The following WNK1 variants were observed in gnomAD, a reference collection of about 807,000 sequenced individuals.
WNK1 encodes WNK lysine deficient protein kinase 1.
In WNK1, 38 loss-of-function variants were observed where a neutral mutation model predicts 222.8. The ratio of observed to expected loss-of-function variants is 0.17; its 90% confidence interval spans 0.13 to 0.22. WNK1 has a LOEUF of 0.22. Ranked by LOEUF, WNK1 falls within the 10% of genes least tolerant of loss-of-function variation. The probability of loss-of-function intolerance (pLI) is 1.00; values close to 1 mark genes in which losing one functional copy is unlikely to be tolerated. For synonymous variants in WNK1, 1,090 were observed against 1,092.9 expected, an observed-to-expected ratio of 1.00 and a Z score of 0.05; for missense variants, 2,348 against 2,918.4, an observed-to-expected ratio of 0.80 and a Z score of 4.50.
intron 2 of WNK1, among the ~76,000 whole-genome samples, chr12:821,078 T>TTAAAC (rs1947841293): frequency 7.3e-6 from 1 of 137,266 alleles, no homozygotes; most frequent in African/African-American, 2.8e-5. Flanking sequence ...GGAAAGGTGT[T>TTAAAC]AGATTTTGTC....
At chr12:783,075 T>A (rs1175498934) in intron 1 of WNK1, among the ~76,000 whole-genome samples, 8 of 151,516 alleles carry the variant, frequency 5.3e-5, no homozygotes, top group African/African-American at 1.9e-4. Context: ...TGCTAATGTT[T>A]AAATTTTTTT....
At chr12:782,832 A>T (rs1030319172) in intron 1 of WNK1, among the ~76,000 whole-genome samples, 4 of 150,898 alleles carry the variant, frequency 2.7e-5, no homozygotes, top group African/African-American at 9.8e-5. Flanking sequence ...AGCCACATTT[A>T]AAAAAAAACA....
At chr12:822,436 C>G (rs2154022552) in intron 2 of WNK1, among the ~76,000 whole-genome samples, 1 of 152,030 alleles carries the variant, frequency 6.6e-6, no homozygotes, top group South Asian at 2.1e-4. Context: ...CTGTTTTTTG[C>G]TCCTTATCTC....
rs1397273339 is a variant in WNK1 at position 807,965 on chromosome 12, C to A, written c.760-5677C>A. On this transcript the variant is annotated intron_variant, in intron 1 of 27. Coordinates refer to ENST00000315939, the MANE Select transcript of WNK1 (RefSeq NM_018979.4). Reference sequence around the variant, plus strand: ...CGATCTCCTGACCTCGTGATCCGCCCGCCTCGGCCTCCCAAAGTGCTGGGA... The same window carrying A: ...CGATCTCCTGACCTCGTGATCCGCCAGCCTCGGCCTCCCAAAGTGCTGGGA... 8.6e-5 allele frequency among the ~76,000 whole-genome samples: 13 copies of A among 152,026 alleles called. No individual in the cohort carries two copies. The East Asian group carries it at 2.5e-3, about 30-fold the overall frequency.
rs1037799739 is a variant in WNK1, at chr12:911,096, G to GTTAT, written c.*2308_*2311dup. 10 of 392,336 alleles carry GTTAT rather than the reference G, an allele frequency of 2.5e-5. No individual in the cohort carries two copies. Among genetic ancestry groups the GTTAT allele is most frequent in the Admixed American group, 4.4e-5 (1 of 22,612 alleles). 24.3% of individuals were successfully genotyped at this position (392,336 alleles called of 1,614,324 possible). A position where few individuals can be genotyped will look rare whatever the true frequency, so the allele number is the denominator to read the frequency against. ...ATACACAAAAAAAGTCAGAACTGGTGTTATTTACTGTTGATTTCATCCTCC... is the reference window on the plus strand; with the variant it reads ...ATACACAAAAAAAGTCAGAACTGGTGTTATTTATTTACTGTTGATTTCATCCTCC... On this transcript the variant is annotated 3_prime_UTR_variant, in exon 28 of 28. Coordinates refer to ENST00000315939, the MANE Select transcript of WNK1 (RefSeq NM_018979.4).
chr12:904,487 G>C, intron 26 of WNK1: 1 of 1,289,086 alleles, frequency 7.8e-7, no homozygotes, highest in Non-Finnish European at 1.0e-6. Context: ...CTTGCAACCA[G>C]CTCTGTAGTA....
At chr12:853,114 A>G (rs1006254832) in intron 4 of WNK1, among the ~76,000 whole-genome samples, 1 of 152,130 alleles carries the variant, frequency 6.6e-6, no homozygotes, top group African/African-American at 2.4e-5. Context: ...TTTATTGGCT[A>G]ACTTGGCACC....
intron 1 of WNK1, among the ~76,000 whole-genome samples, chr12:812,542 T>C (rs1947003316): frequency 6.6e-6 from 1 of 152,210 alleles, no homozygotes; most frequent in Admixed American, 6.5e-5. Context: ...ATAGTATCCA[T>C]TGGTTTTAAT....
chr12:808,205 A>G (rs1449122649), intron 1 of WNK1, among the ~76,000 whole-genome samples: 1 of 152,156 alleles, frequency 6.6e-6, no homozygotes, highest in African/African-American at 2.4e-5. Context: ...AAACTTTAAA[A>G]ATTTATGTGA....
chr12:854,554 G>A (rs1241589821), intron 4 of WNK1, among the ~76,000 whole-genome samples: 1 of 151,682 alleles, frequency 6.6e-6, no homozygotes, highest in Non-Finnish European at 1.5e-5. Flanking sequence ...TCACCATGTT[G>A]GCCAGGCTGT....
chr12:800,261 T>C (rs1945743544), intron 1 of WNK1, among the ~76,000 whole-genome samples: 1 of 152,300 alleles, frequency 6.6e-6, no homozygotes, highest in Middle Eastern at 3.4e-3. Flanking sequence ...AAAACATTTA[T>C]TAAGTACCAG....
In WNK1 at chr12:894,598, G is replaced by A. The variant is rs766291907; in HGVS notation, c.5546G>A (p.Ser1849Asn). The change falls in exon 23 of 28, where the codon AGT (serine) becomes AAT (asparagine). Residue 1849 changes from serine (S) to asparagine (N), a missense_variant. By Grantham distance (46) the Ser-to-Asn change is conservative. Coordinates refer to ENST00000315939, the MANE Select transcript of WNK1 (RefSeq NM_018979.4). ...AAAGAAGGCCCTGTCCTAGCAACTA[G>A]TTCAGGAGCTGGTGTTTTTAAGATG... ...QVKEGPVLAT[S>N]SGAGVFKMGR... The A allele has an allele frequency of 2.6e-5, 41 of 1,605,686 alleles. No homozygotes were observed. The highest frequency in any genetic ancestry group is 3.4e-5 in the Non-Finnish European group (40 of 1,174,610).
At chr12:862,810 G>A (rs1466860494) in intron 8 of WNK1, among the ~76,000 whole-genome samples, 2 of 152,154 alleles carry the variant, frequency 1.3e-5, no homozygotes, top group Non-Finnish European at 2.9e-5. Context: ...TAAAGTCTGT[G>A]TTGGACACAA....
intron 2 of WNK1, among the ~76,000 whole-genome samples, chr12:821,679 C>A (rs1298684807): frequency 6.6e-6 from 1 of 152,162 alleles, no homozygotes; most frequent in African/African-American, 2.4e-5. Flanking sequence ...CTAATTTCCT[C>A]CCTTTAATTC....
intron 1 of WNK1, among the ~76,000 whole-genome samples, chr12:794,502 A>ATGTTTT (rs71051384): frequency 6.8e-6 from 1 of 148,118 alleles, no homozygotes; most frequent in Non-Finnish European, 1.5e-5. Context: ...AGTTGGTTGA[A>ATGTTTT]TTTTTTTTTT....
intron 8 of WNK1, among the ~76,000 whole-genome samples, chr12:862,503 A>G (rs1252696957): frequency 1.3e-5 from 2 of 152,260 alleles, no homozygotes; most frequent in Non-Finnish European, 2.9e-5. Flanking sequence ...CTGCATTTTT[A>G]CTAAAGGGAA....
intron 1 of WNK1, among the ~76,000 whole-genome samples, chr12:758,253 T>A (rs887077602): frequency 1.4e-5 from 2 of 146,320 alleles, no homozygotes; most frequent in African/African-American, 4.9e-5. Flanking sequence ...CTCTGTCTTT[T>A]ATTAAGACTG....
At position 859,812 on chromosome 12, in the gene WNK1, C is replaced by G. The variant is rs545333127; in HGVS notation, c.1620+348C>G. ...CTTACTGCAGCCTTAAACTCCTGAA[C>G]TCAAGCAATCCTTCTGCCTTAGCCT... On this transcript the variant is annotated intron_variant, in intron 6 of 27. Transcript: ENST00000315939. Among the ~76,000 whole-genome samples the G allele has an allele frequency of 2.6e-5, 4 of 151,614 alleles. No individual in the cohort carries two copies. In the East Asian group the frequency reaches 5.8e-4, roughly 22 times the overall value.
At chr12:805,902 C>G (rs1220132286) in intron 1 of WNK1, among the ~76,000 whole-genome samples, 4 of 152,022 alleles carry the variant, frequency 2.6e-5, no homozygotes, top group Non-Finnish European at 5.9e-5. Flanking sequence ...ACCCAAAATT[C>G]TTTTTTCTGA....
Sources: gnomAD v4.1 joint callset for allele counts (sites outside exome capture counted in the v4.1 genomes callset) on GRCh38, gnomAD v4.1.1 for gene constraint, MANE v1.5 for transcripts, NCBI Gene and HGNC (gene_info 2026-07-23, HGNC 2026-07-21) for gene names.